Variants in FHAD1 observed in about 807,000 individuals in gnomAD.
FHAD1 encodes forkhead associated phosphopeptide binding domain 1.
FHAD1 carries 146 observed loss-of-function variants against 191.3 expected under a neutral mutation model. That is an observed-to-expected ratio of 0.76 (90% CI 0.67 to 0.88). The LOEUF (loss-of-function observed/expected upper bound fraction) is 0.88, where lower values mean the gene tolerates loss of function less well. Among genes scored for constraint, FHAD1 ranks in the 40% least tolerant of loss-of-function variants. FHAD1 has a pLI of 0.00. For missense variants in FHAD1, 1,635 were observed against 1,785.8 expected, an observed-to-expected ratio of 0.92 and a Z score of 1.52; for synonymous variants, 616 against 672.3, an observed-to-expected ratio of 0.92 and a Z score of 1.29.
intron 1 of FHAD1, among the ~76,000 whole-genome samples, chr1:15,239,284 T>C (rs1645104306): frequency 6.6e-6 from 1 of 152,100 alleles, no homozygotes; most frequent in African/African-American, 2.4e-5. Context: ...CCAGGGATGC[T>C]TGGGTGAACA....
upstream of FHAD1, among the ~76,000 whole-genome samples, chr1:15,244,330 A>AT (rs531604567): frequency 2.8e-4 from 42 of 152,052 alleles, no homozygotes; most frequent in African/African-American, 3.1e-4. The surrounding 1 kb of genome is among the most constrained non-coding windows in gnomAD (Gnocchi z 5.1). Context: ...TCAGTTTAGG[A>AT]TTTTTTGTTT....
intron 26 of FHAD1, among the ~76,000 whole-genome samples, chr1:15,369,795 T>C (rs559550763): frequency 6.6e-6 from 1 of 152,312 alleles, no homozygotes; most frequent in South Asian, 2.1e-4. Context: ...TCGTTCCACC[T>C]GTGTTCGAAT....
chr1:15,308,959 A>G (rs980808583), intron 7 of FHAD1, among the ~76,000 whole-genome samples: 3 of 152,236 alleles, frequency 2.0e-5, no homozygotes, highest in Non-Finnish European at 2.9e-5. Flanking sequence ...GTTTGGAGTG[A>G]GCCCTTGATA....
chr1:15,393,415 GACACAC>G, intron 33 of FHAD1, among the ~76,000 whole-genome samples: 1 of 127,760 alleles, frequency 7.8e-6, no homozygotes, highest in Admixed American at 7.3e-5. Context: ...CATAGATGTG[GACACAC>G]ACACACACGC....
chr1:15,375,203 G>A (rs1252260212), intron 27 of FHAD1, among the ~76,000 whole-genome samples: 1 of 152,086 alleles, frequency 6.6e-6, no homozygotes, highest in Non-Finnish European at 1.5e-5. Flanking sequence ...TGTCATGGAT[G>A]AATACTGTCT....
intron 18 of FHAD1, among the ~76,000 whole-genome samples, chr1:15,346,590 C>T (rs1012479593): frequency 6.6e-6 from 1 of 152,234 alleles, no homozygotes; most frequent in Non-Finnish European, 1.5e-5. Context: ...CTCCTCCCTC[C>T]CGCATTGAAG....
chr1:15,287,921 G>A (rs938507562), intron 3 of FHAD1, among the ~76,000 whole-genome samples: 11 of 152,202 alleles, frequency 7.2e-5, no homozygotes, highest in Admixed American at 6.5e-4. Context: ...CTCATTGTGT[G>A]TGTCTGAGCT....
intron 15 of FHAD1, among the ~76,000 whole-genome samples, chr1:15,339,970 C>T (rs1170708615): frequency 5.9e-5 from 9 of 152,108 alleles, no homozygotes; most frequent in South Asian, 2.1e-4. Flanking sequence ...GGATTACAGG[C>T]GCCTGCCACC....
chr1:15,292,800 G>A (rs1665334426), intron 4 of FHAD1, among the ~76,000 whole-genome samples: 1 of 152,076 alleles, frequency 6.6e-6, no homozygotes. Flanking sequence ...TCTAAAACTT[G>A]AAAAAATAAA....
chr1:15,274,671 G>C (rs1222593217), intron 3 of FHAD1, among the ~76,000 whole-genome samples: 1 of 152,126 alleles, frequency 6.6e-6, no homozygotes, highest in African/African-American at 2.4e-5. Flanking sequence ...GAATGAGAAC[G>C]GTAGAGTTAT....
chr1:15,271,824 C>T (rs898722387), intron 2 of FHAD1, among the ~76,000 whole-genome samples: 3 of 152,146 alleles, frequency 2.0e-5, no homozygotes, highest in Admixed American at 1.3e-4. Context: ...TTCTTTAGTA[C>T]TTTTCTCTAT....
intron 5 of FHAD1, 55 bp from the exon 6 acceptor site, chr1:15,301,150 T>C: frequency 6.7e-7 from 1 of 1,485,700 alleles, no homozygotes; most frequent in Non-Finnish European, 9.1e-7. Flanking sequence ...TTTAATGGGC[T>C]CAGCCTCACA....
chr1:15,349,295 C>T lies in FHAD1; in HGVS notation c.2454+146C>T, dbSNP rs1033082220. On this transcript the variant is annotated intron_variant, in intron 19 of 33. Coordinates refer to ENST00000688493, the MANE Select transcript of FHAD1 (RefSeq NM_001391957.1). ...TGCCGTTTACTGGCTGTGTGACCTC[C>T]GGCAGATCGCCACCTCCCCATCCCT... is the stretch of plus-strand genomic sequence containing the variant. 48 of 636,736 alleles carry T rather than the reference C, an allele frequency of 7.5e-5. No homozygotes were observed. In the Admixed American group the frequency reaches 7.7e-4, roughly 10 times the overall value. 39.4% of individuals were successfully genotyped at this position (636,736 alleles called of 1,614,324 possible).
intron 32 of FHAD1, among the ~76,000 whole-genome samples, chr1:15,388,961 TGTAC>T (rs1703074835): frequency 6.6e-6 from 1 of 152,188 alleles, no homozygotes; most frequent in African/African-American, 2.4e-5. Flanking sequence ...AAAGCAGATC[TGTAC>T]GGGGCTGGGC....
chr1:15,289,764 T>C lies in FHAD1; in HGVS notation c.568+98T>C. On this transcript the variant is annotated intron_variant, in intron 4 of 33. Coordinates refer to ENST00000688493, the MANE Select transcript of FHAD1 (RefSeq NM_001391957.1). The surrounding 1 kb of genome is among the most constrained non-coding windows in gnomAD (Gnocchi z 4.2). Reference sequence around the variant, plus strand: ...ACTTTCTGATTCTAAAAGTAGAACATATTCAATTGTAAAAAATGAAAATAA... The same window carrying C: ...ACTTTCTGATTCTAAAAGTAGAACACATTCAATTGTAAAAAATGAAAATAA... 2 of 1,407,872 alleles carry C rather than the reference T, an allele frequency of 1.4e-6. No individual in the cohort carries two copies. The highest frequency in any genetic ancestry group is 1.4e-5 in the African/African-American group (1 of 69,262). 87.2% of individuals were successfully genotyped at this position (1,407,872 alleles called of 1,614,324 possible).
At chr1:15,253,282 T>C (rs1647018673) in intron 2 of FHAD1, among the ~76,000 whole-genome samples, 1 of 152,092 alleles carries the variant, frequency 6.6e-6, no homozygotes. Context: ...CAAAAAATTG[T>C]CTTACCTCTT....
intron 3 of FHAD1, among the ~76,000 whole-genome samples, chr1:15,272,976 A>G (rs1656746376): frequency 6.6e-6 from 1 of 151,982 alleles, no homozygotes; most frequent in Admixed American, 6.6e-5. Context: ...AGAGCCTGAA[A>G]CTCAGTGTCC....
chr1:15,303,114 C>T (rs897487027), intron 6 of FHAD1, among the ~76,000 whole-genome samples: 1 of 152,162 alleles, frequency 6.6e-6, no homozygotes, highest in Non-Finnish European at 1.5e-5. Flanking sequence ...TCTGGGAATT[C>T]GGCAGAGAAC....
chr1:15,363,978 C>T (rs550779806), intron 23 of FHAD1: 2 of 340,694 alleles, frequency 5.9e-6, no homozygotes, highest in Admixed American at 4.0e-5. Flanking sequence ...ACTCAGCCTC[C>T]GCATTGTGAA....
Sources: gnomAD v4.1 joint callset for allele counts (sites outside exome capture counted in the v4.1 genomes callset) on GRCh38, gnomAD v4.1.1 for gene constraint, Gnocchi (gnomAD v3.1) non-coding constraint, MANE v1.5 for transcripts, NCBI Gene and HGNC (gene_info 2026-07-23, HGNC 2026-07-21) for gene names.